SBNO1: variants seen among roughly 807,000 people sequenced by gnomAD.
SBNO1 encodes the protein strawberry notch homolog 1.
SBNO1 carries 23 observed loss-of-function variants against 173.6 expected under a neutral mutation model. The observed-to-expected ratio is 0.13, with a 90% CI of 0.10 to 0.19. The LOEUF (loss-of-function observed/expected upper bound fraction) is 0.19. Among genes scored for constraint, SBNO1 ranks in the 10% least tolerant of loss-of-function variants. The probability of loss-of-function intolerance (pLI) is 1.00; values close to 1 mark genes in which losing one functional copy is unlikely to be tolerated. For synonymous variants in SBNO1, 632 were observed against 571.5 expected (o/e 1.11, Z -1.51); for missense variants, 1,238 against 1,671.2 (o/e 0.74, Z 4.52).
At position 123,294,443 on chromosome 12, in the gene SBNO1, G is replaced by A. The variant is rs1197953206; in HGVS notation, c.*1465C>T. 2 of 152,278 alleles carry A rather than the reference G, an allele frequency of 1.3e-5. No individual in the cohort carries two copies. The highest frequency in any genetic ancestry group is 2.9e-5 in the Non-Finnish European group (2 of 68,226). 9.4% of individuals were successfully genotyped at this position (152,278 alleles called of 1,614,324 possible). A position where few individuals can be genotyped will look rare whatever the true frequency, so the allele number is the denominator to read the frequency against. Reference sequence around the variant, plus strand: ...AAACTATAAGGCTACCTGGAATGCTGAGACAACACACAAATTCTGCTGAGT... The same window carrying A: ...AAACTATAAGGCTACCTGGAATGCTAAGACAACACACAAATTCTGCTGAGT... On this transcript the variant is annotated 3_prime_UTR_variant, in exon 32 of 32. Transcript: ENST00000602398.
chr12:123,339,444 C>CT lies in SBNO1; in HGVS notation c.651+1543dup, dbSNP rs1872271315. 8.5e-5 allele frequency among the ~76,000 whole-genome samples: 13 copies of CT among 152,086 alleles called. No homozygotes were observed. The South Asian group carries it at 2.7e-3, about 32-fold the overall frequency. Reference sequence around the variant, plus strand: ...CTGCACCCCAACTTCTCCTGAATCACTAACAGGTCCCTCCATGTCTACTGG... The same window carrying CT: ...CTGCACCCCAACTTCTCCTGAATCACTTAACAGGTCCCTCCATGTCTACTGG... On this transcript the variant is annotated intron_variant, in intron 5 of 31. Coordinates refer to ENST00000602398, the MANE Select transcript of SBNO1 (RefSeq NM_001167856.3).
In SBNO1 at chr12:123,336,491, T is replaced by C; in HGVS notation, c.652A>G (p.Lys218Glu). The change falls in exon 6 of 32, where the codon AAG (lysine) becomes GAG (glutamate). Residue 218 changes from lysine (K) to glutamate (E), a missense_variant and splice_region_variant. By Grantham distance (56) the Lys-to-Glu change is moderately conservative. Around this residue, in one of 14 missense-constraint regions of SBNO1, gnomAD observed 287 missense variants for 274.1 expected, o/e 1.05. Transcript: ENST00000602398. ...MKMRSFSPTM[K>E]VPVVKEDDEP... is the part of the protein sequence containing the mutation. ...TCATCTTCTTTTACAACAGGAACCT[T>C]CTGCAACACAGAAAGAGCACAATCA... 6.2e-7 allele frequency: 1 copy of C among 1,601,622 alleles called. No homozygotes were observed. The highest frequency in any genetic ancestry group is 8.5e-7 in the Non-Finnish European group (1 of 1,172,198).
At chr12:123,349,505 A>G (rs896679051) in intron 2 of SBNO1, among the ~76,000 whole-genome samples, 38 of 152,256 alleles carry the variant, frequency 2.5e-4, no homozygotes, top group African/African-American at 7.7e-4. Flanking sequence ...TACTCCCACA[A>G]GAACACTAAA....
chr12:123,364,068 G>A (rs531742991), intron 1 of SBNO1: 1 of 985,472 alleles, frequency 1.0e-6, no homozygotes, highest in East Asian at 1.1e-4. Flanking sequence ...TGGGAGGTGA[G>A]CTCGCCCGCC....
chr12:123,295,890 T>A lies in SBNO1; in HGVS notation c.*18A>T. 1 of 1,612,536 alleles carries A rather than the reference T, an allele frequency of 6.2e-7. No homozygotes were observed. The highest frequency in any genetic ancestry group is 8.5e-7 in the Non-Finnish European group (1 of 1,178,946). On this transcript the variant is annotated 3_prime_UTR_variant, in exon 32 of 32. Coordinates refer to ENST00000602398, the MANE Select transcript of SBNO1 (RefSeq NM_001167856.3). ...CAACAGCATTTCAGATCCATCCATGTTGAAACCTGTCTGTTCTTCATGCGT... is the reference window on the plus strand; with the variant it reads ...CAACAGCATTTCAGATCCATCCATGATGAAACCTGTCTGTTCTTCATGCGT...
chr12:123,340,463 C>T (rs1183352803), intron 5 of SBNO1, among the ~76,000 whole-genome samples: 1 of 151,728 alleles, frequency 6.6e-6, no homozygotes, highest in Non-Finnish European at 1.5e-5. Context: ...TGCCTGTAAT[C>T]CCAGCTACTT....
At chr12:123,329,556 G>C (rs568409513) in intron 9 of SBNO1, among the ~76,000 whole-genome samples, 70 of 152,052 alleles carry the variant, frequency 4.6e-4, no homozygotes, top group African/African-American at 1.2e-3. Flanking sequence ...AGAATTATGA[G>C]TAATTGTTAA....
chr12:123,352,057 T>C (rs1873938921), intron 1 of SBNO1, among the ~76,000 whole-genome samples: 1 of 148,556 alleles, frequency 6.7e-6, no homozygotes, highest in African/African-American at 2.5e-5. Flanking sequence ...GGGGCCAAAC[T>C]ATTCTGCTGC....
chr12:123,313,160 C>T (rs1868807298), intron 24 of SBNO1, among the ~76,000 whole-genome samples: 2 of 150,860 alleles, frequency 1.3e-5, no homozygotes, highest in Non-Finnish European at 2.9e-5. Context: ...CGAGATCATG[C>T]CACTGCACTC....
chr12:123,309,537 C>T lies in SBNO1; in HGVS notation c.3489G>A (p.Lys1163=). The change falls in exon 27 of 32, where the codon AAG becomes AAA. Residue 1163 remains lysine (K), a synonymous_variant. Transcript: ENST00000602398. ...AGGTTGAATATCCTGGAGTCAGAAA[C>T]TTTTTAACATCACTTTTCCGCACTT... is the stretch of plus-strand genomic sequence containing the variant. ...DEKVRKSDVK[K]FLTPGYSTSG... 6.2e-7 allele frequency: 1 copy of T among 1,614,064 alleles called. No homozygotes were observed. Among genetic ancestry groups the T allele is most frequent in the African/African-American group, 1.3e-5 (1 of 75,044 alleles).
At chr12:123,311,545 G>A (rs1165355079) in intron 24 of SBNO1, among the ~76,000 whole-genome samples, 1 of 151,822 alleles carries the variant, frequency 6.6e-6, no homozygotes, top group Admixed American at 6.6e-5. Flanking sequence ...AGTAGAGTCG[G>A]GGTTTCGCCA....
intron 24 of SBNO1, 112 bp downstream of exon 24, chr12:123,313,508 A>G (rs1593345585): frequency 1.7e-6 from 1 of 605,034 alleles, no homozygotes; most frequent in East Asian, 2.8e-5. Flanking sequence ...TCAAAGTTTT[A>G]TACAATTTAT....
rs377614816 is a variant in SBNO1 at position 123,360,962 on chromosome 12, T to C, written c.-1+3739A>G. 1.6e-3 allele frequency among the ~76,000 whole-genome samples: 243 copies of C among 151,664 alleles called. 2 individuals carry two copies. The highest frequency in any genetic ancestry group is 5.5e-3 in the African/African-American group (227 of 41,332). On this transcript the variant is annotated intron_variant, in intron 1 of 31. Transcript: ENST00000602398. ...CCCATCCCTATTAAAAATGCAAAAA[T>C]TGGCCGGGCACAGTGGCTCACGCCT...
At chr12:123,327,173 A>AT (rs904021761) in intron 13 of SBNO1, among the ~76,000 whole-genome samples, 3 of 151,384 alleles carry the variant, frequency 2.0e-5, no homozygotes, top group Non-Finnish European at 2.9e-5. Context: ...TGCCCAGCTA[A>AT]TTTTTTTTCG....
At chr12:123,309,656 T>G in intron 26 of SBNO1, 54 bp downstream of exon 26, 3 of 1,602,302 alleles carry the variant, frequency 1.9e-6, no homozygotes, top group Non-Finnish European at 8.5e-7. Flanking sequence ...AAAGAATTTC[T>G]CCACTCCACA....
chr12:123,309,613 TA>T (rs769008788), intron 26 of SBNO1, 30 bp from the exon 27 acceptor site: 3 of 1,605,378 alleles, frequency 1.9e-6, no homozygotes, highest in Non-Finnish European at 2.6e-6. Context: ...CATGTAAATG[TA>T]AAAAGAACAT....
In SBNO1 at chr12:123,327,591, TA is replaced by T; in HGVS notation, c.1539-13del. 6.2e-7 allele frequency: 1 copy of T among 1,611,220 alleles called. No individual in the cohort carries two copies. Among genetic ancestry groups the T allele is most frequent in the Non-Finnish European group, 8.5e-7 (1 of 1,178,060 alleles). ...TGGCACCAACTCCTCTGAATAAAAT[TA>T]AAACATACAGTAATTACCAATACAG... On this transcript the variant is annotated splice_polypyrimidine_tract_variant and intron_variant, in intron 12 of 31. Transcript: ENST00000602398.
At chr12:123,311,748 A>ATATATTTT (rs1255479099) in intron 24 of SBNO1, among the ~76,000 whole-genome samples, 54 of 134,398 alleles carry the variant, frequency 4.0e-4, no homozygotes, top group African/African-American at 1.5e-3. Flanking sequence ...ATATATATAT[A>ATATATTTT]TTTTTGCGAC....
intron 5 of SBNO1, among the ~76,000 whole-genome samples, chr12:123,340,581 CAAAAAAAAAAAA>C (rs752794679): frequency 1.1e-4 from 5 of 46,818 alleles, no homozygotes; most frequent in East Asian, 1.6e-3. Flanking sequence ...GACTCTGTCT[CAAAAAAAAAAAA>C]AAAAAAAAAA....
Sources: gnomAD v4.1 joint callset for allele counts (sites outside exome capture counted in the v4.1 genomes callset) on GRCh38, gnomAD v4.1.1 for gene constraint, gnomAD v4.1.1 regional missense constraint, MANE v1.5 for transcripts, NCBI Gene and HGNC (gene_info 2026-07-23, HGNC 2026-07-21) for gene names.